Variants in GABRB1 observed in about 807,000 individuals in gnomAD.
The protein encoded by GABRB1 is gamma-aminobutyric acid type A receptor subunit beta1, also known as gamma-aminobutyric acid receptor subunit beta-1.
Under a neutral mutation model 51.6 loss-of-function variants are expected in GABRB1, and 17 were observed. The ratio of observed to expected loss-of-function variants is 0.33; its 90% CI spans 0.23 to 0.49. GABRB1 has a LOEUF of 0.49. GABRB1 is among the 20% of genes least tolerant of loss of function. The pLI is 0.99. For synonymous variants in GABRB1, 247 were observed against 218.9 expected, an observed-to-expected ratio of 1.13 and a Z score of -1.14; for missense variants, 410 against 600.6, an observed-to-expected ratio of 0.68 and a Z score of 3.32.
intron 4 of GABRB1, among the ~76,000 whole-genome samples, chr4:47,195,888 C>A (rs1719663870): frequency 6.6e-6 from 1 of 152,202 alleles, no homozygotes; most frequent in South Asian, 2.1e-4. Flanking sequence ...GTGCCAAATT[C>A]TGCCAGTCTG....
At chr4:47,306,485 A>G (rs1724475408) in intron 4 of GABRB1, among the ~76,000 whole-genome samples, 1 of 151,726 alleles carries the variant, frequency 6.6e-6, no homozygotes, top group Non-Finnish European at 1.5e-5. Context: ...GGAGGGAGAG[A>G]AAAAGGAAGA....
At chr4:47,192,023 T>C (rs1719458779) in intron 4 of GABRB1, among the ~76,000 whole-genome samples, 1 of 152,102 alleles carries the variant, frequency 6.6e-6, no homozygotes. Context: ...AATAGACTCG[T>C]ACAATTACCA....
At chr4:47,025,710 G>GT (rs1442142058) in intron 1 of GABRB1, among the ~76,000 whole-genome samples, 1 of 151,832 alleles carries the variant, frequency 6.6e-6, no homozygotes, top group African/African-American at 2.4e-5. Context: ...AGTAAAAGAA[G>GT]TTTTTTTCCC....
chr4:47,402,944 CTTG>C lies in GABRB1; in HGVS notation c.545-369_545-367del, dbSNP rs1430646437. On this transcript the variant is annotated intron_variant, in intron 5 of 8. Coordinates refer to ENST00000295454, the MANE Select transcript of GABRB1 (RefSeq NM_000812.4). ...ACAAATATGTGCTCAATTATTATTA[CTTG>C]TTGTGCTATTGTTGTTGTTAAGTAG... Among the ~76,000 whole-genome samples, 11 of 152,288 alleles carry C rather than the reference CTTG, an allele frequency of 7.2e-5. No individual in the cohort carries two copies. In the South Asian group the frequency reaches 2.3e-3, roughly 32 times the overall value.
chr4:47,314,674 G>C (rs1027635151), intron 4 of GABRB1, among the ~76,000 whole-genome samples: 5 of 151,852 alleles, frequency 3.3e-5, no homozygotes, highest in African/African-American at 1.2e-4. Context: ...TGACAAAGTT[G>C]ACAAAAACAA....
chr4:47,408,312 C>T (rs115159930), intron 8 of GABRB1, among the ~76,000 whole-genome samples: 3 of 152,112 alleles, frequency 2.0e-5, no homozygotes, highest in Non-Finnish European at 2.9e-5. Flanking sequence ...TGTTTAAATA[C>T]TGAGAGAAGA....
At chr4:47,424,196 A>G (rs1055411663) in intron 8 of GABRB1, among the ~76,000 whole-genome samples, 1 of 152,254 alleles carries the variant, frequency 6.6e-6, no homozygotes, top group East Asian at 1.9e-4. Context: ...AACAAAGGCC[A>G]GGGACTGTGA....
intron 3 of GABRB1, among the ~76,000 whole-genome samples, chr4:47,058,739 T>A (rs901962992): frequency 2.4e-4 from 36 of 152,206 alleles, no homozygotes; most frequent in African/African-American, 8.2e-4. Flanking sequence ...ATTGGAAGGT[T>A]TGGAGACAAC....
chr4:47,154,670 A>G (rs1390481155), intron 3 of GABRB1, among the ~76,000 whole-genome samples: 2 of 152,002 alleles, frequency 1.3e-5, no homozygotes, highest in Non-Finnish European at 2.9e-5. Context: ...TAGCACAAGG[A>G]AAGTGGAATT....
intron 4 of GABRB1, among the ~76,000 whole-genome samples, chr4:47,164,978 A>G (rs1718111157): frequency 6.6e-6 from 1 of 152,032 alleles, no homozygotes; most frequent in Non-Finnish European, 1.5e-5. Flanking sequence ...AACCTCTAGT[A>G]ATTCCTCCTC....
At chr4:47,162,493 T>C (rs1043257359) in intron 4 of GABRB1, among the ~76,000 whole-genome samples, 1 of 152,024 alleles carries the variant, frequency 6.6e-6, no homozygotes, top group Non-Finnish European at 1.5e-5. Flanking sequence ...TGGTTTACAT[T>C]GTCAGATTAC....
chr4:47,121,675 A>C (rs1206042392), intron 3 of GABRB1, among the ~76,000 whole-genome samples: 1 of 152,194 alleles, frequency 6.6e-6, no homozygotes, highest in African/African-American at 2.4e-5. Flanking sequence ...ATCATAATAT[A>C]TTTTCAATAT....
intron 4 of GABRB1, among the ~76,000 whole-genome samples, chr4:47,177,495 G>T (rs781025480): frequency 6.6e-6 from 1 of 152,086 alleles, no homozygotes; most frequent in Non-Finnish European, 1.5e-5. Context: ...AAGCTTCAAA[G>T]AATATGTTAG....
chr4:47,149,253 T>C (rs188452974), intron 3 of GABRB1, among the ~76,000 whole-genome samples: 1 of 152,190 alleles, frequency 6.6e-6, no homozygotes, highest in Admixed American at 6.6e-5. Flanking sequence ...AAATTGATCA[T>C]TTACTCAAAA....
chr4:47,068,225 A>G (rs1727167967), intron 3 of GABRB1, among the ~76,000 whole-genome samples: 1 of 152,172 alleles, frequency 6.6e-6, no homozygotes, highest in Non-Finnish European at 1.5e-5. Context: ...GGCTTAAAGT[A>G]ATGTTGTGGC....
intron 5 of GABRB1, 37 bp from the exon 6 acceptor site, chr4:47,403,281 A>T: frequency 6.2e-7 from 1 of 1,606,754 alleles, no homozygotes; most frequent in African/African-American, 1.3e-5. Context: ...ATGATTTCCT[A>T]AACTTTGTTT....
intron 3 of GABRB1, among the ~76,000 whole-genome samples, chr4:47,046,848 G>A (rs1726112314): frequency 6.6e-6 from 1 of 152,092 alleles, no homozygotes; most frequent in African/African-American, 2.4e-5. Flanking sequence ...TCAAGGATAT[G>A]GATTGAGCTA....
At chr4:47,225,247 A>G (rs1351198139) in intron 4 of GABRB1, among the ~76,000 whole-genome samples, 1 of 152,168 alleles carries the variant, frequency 6.6e-6, no homozygotes, top group African/African-American at 2.4e-5. Context: ...AGATGGAACC[A>G]TAGAGAGGTT....
intron 3 of GABRB1, among the ~76,000 whole-genome samples, chr4:47,110,035 G>C (rs1053947930): frequency 6.6e-6 from 1 of 152,112 alleles, no homozygotes; most frequent in Non-Finnish European, 1.5e-5. Flanking sequence ...CAAGAAGGGG[G>C]CTGTAACCAG....
Sources: gnomAD v4.1 joint callset for allele counts (sites outside exome capture counted in the v4.1 genomes callset) on GRCh38, gnomAD v4.1.1 for gene constraint, MANE v1.5 for transcripts, NCBI Gene and HGNC (gene_info 2026-07-23, HGNC 2026-07-21) for gene names.